Variants in CAMTA1 observed in about 807,000 individuals in gnomAD.
CAMTA1 encodes the protein calmodulin-binding transcription activator 1.
CAMTA1 carries 27 observed loss-of-function variants against 170.9 expected under a neutral mutation model. That is an observed-to-expected ratio of 0.16 (90% CI 0.12 to 0.22). The LOEUF is 0.22. CAMTA1 is among the 10% of genes least tolerant of loss of function. The probability of loss-of-function intolerance (pLI) is 1.00; values close to 1 mark genes in which losing one functional copy is unlikely to be tolerated. For missense variants in CAMTA1, 1,619 were observed against 2,217.2 expected (o/e 0.73, Z 5.42); for synonymous variants, 833 against 891.5 (o/e 0.93, Z 1.17).
intron 6 of CAMTA1, among the ~76,000 whole-genome samples, chr1:7,480,692 C>T (rs1304426644): frequency 3.3e-5 from 5 of 152,144 alleles, no homozygotes; most frequent in Non-Finnish European, 7.3e-5. Flanking sequence ...TCTTGGCAAT[C>T]CCTCTTGCTC....
At chr1:6,789,976 A>AT (rs1191909190) in intron 1 of CAMTA1, among the ~76,000 whole-genome samples, 4 of 148,366 alleles carry the variant, frequency 2.7e-5, no homozygotes, top group African/African-American at 5.0e-5. Flanking sequence ...TGTCCGGCTA[A>AT]TTTTTTTTTG....
intron 1 of CAMTA1, among the ~76,000 whole-genome samples, chr1:6,803,976 A>G (rs1487054094): frequency 6.6e-6 from 1 of 151,796 alleles, no homozygotes; most frequent in Non-Finnish European, 1.5e-5. Flanking sequence ...TGAGGTCAGG[A>G]GTTCCAGACC....
In CAMTA1 at chr1:7,670,841, G is replaced by A. The variant is rs923217121; in HGVS notation, c.2653-70G>A. ...CCCCATCTGAGCAGTGAAGCCTCAG[G>A]GGGGCTTCCCCATGCTGCCTCCCAC... On this transcript the variant is annotated intron_variant, in intron 9 of 22. Coordinates refer to ENST00000303635, the MANE Select transcript of CAMTA1 (RefSeq NM_015215.4). 5.1e-6 allele frequency: 8 copies of A among 1,566,620 alleles called. No individual in the cohort carries two copies. In the Admixed American group the frequency reaches 1.2e-4, roughly 23 times the overall value.
In CAMTA1 at chr1:7,665,863, A is replaced by T. The variant is rs1244901354; in HGVS notation, c.2652+664A>T. Among the ~76,000 whole-genome samples the T allele has an allele frequency of 6.6e-6, 1 of 151,868 alleles. No homozygotes were observed. The highest frequency in any genetic ancestry group is 1.5e-5 in the Non-Finnish European group (1 of 67,946). The stretch of plus-strand genomic sequence containing the variant: ...TTGAAAAGGGGTCCCAGGGTTGCTT[A>T]AAAAAATTCAAAAGTCACCATTGGC... On this transcript the variant is annotated intron_variant, in intron 9 of 22. Coordinates refer to ENST00000303635, the MANE Select transcript of CAMTA1 (RefSeq NM_015215.4). The surrounding 1 kb of genome is among the most constrained non-coding windows in gnomAD (Gnocchi z 4.3).
At chr1:7,464,587 G>C (rs921445550) in intron 5 of CAMTA1, among the ~76,000 whole-genome samples, 1 of 152,146 alleles carries the variant, frequency 6.6e-6, no homozygotes, top group Non-Finnish European at 1.5e-5. Context: ...GGTGGTTTGG[G>C]CCAAGGGGTG....
At chr1:7,285,790 C>T (rs1672263803) in intron 5 of CAMTA1, among the ~76,000 whole-genome samples, 1 of 152,134 alleles carries the variant, frequency 6.6e-6, no homozygotes, top group Admixed American at 6.5e-5. Flanking sequence ...CATAACGACA[C>T]CTGTGTACCT....
intron 6 of CAMTA1, among the ~76,000 whole-genome samples, chr1:7,587,394 G>A (rs775510138): frequency 1.1e-4 from 17 of 152,022 alleles, no homozygotes; most frequent in Admixed American, 6.5e-5. Context: ...CCCAATTACC[G>A]GGAGTGTGGG....
rs1473004654 is a variant in CAMTA1 at position 7,737,950 on chromosome 1, A to G, written c.3659-9A>G. On this transcript the variant is annotated splice_polypyrimidine_tract_variant and intron_variant, in intron 15 of 22. Coordinates refer to ENST00000303635, the MANE Select transcript of CAMTA1 (RefSeq NM_015215.4). ...CTGTCCTGACTATCCTTTCTACTGT[A>G]CTTTTCAGAGCTGAGAAGACCTCGT... The G allele has an allele frequency of 8.8e-6, 14 of 1,591,430 alleles. No homozygotes were observed. The African/African-American group carries it at 1.1e-4, about 12-fold the overall frequency.
intron 4 of CAMTA1, among the ~76,000 whole-genome samples, chr1:7,104,110 ATG>A (rs1189205016): frequency 7.2e-4 from 88 of 122,774 alleles, no homozygotes; most frequent in African/African-American, 2.3e-3. Context: ...AACTACACAC[ATG>A]TACACACAAC....
At chr1:7,313,901 C>A (rs915165654) in intron 5 of CAMTA1, among the ~76,000 whole-genome samples, 1 of 152,068 alleles carries the variant, frequency 6.6e-6, no homozygotes, top group Non-Finnish European at 1.5e-5. Flanking sequence ...GAAAGCAGTG[C>A]GGAGAGGGCA....
chr1:7,169,992 G>C (rs191237707), intron 4 of CAMTA1, among the ~76,000 whole-genome samples: 2 of 152,074 alleles, frequency 1.3e-5, no homozygotes, highest in Non-Finnish European at 2.9e-5. Context: ...TGACTTTGCT[G>C]TTTGTATCTA....
At chr1:7,491,395 G>A (rs7526892) in intron 6 of CAMTA1, among the ~76,000 whole-genome samples, 44,035 of 152,068 alleles carry the variant, frequency 0.29, 9,753 homozygotes, top group East Asian at 0.66. Flanking sequence ...TCACTTTCTG[G>A]AAAAGGCCAA....
chr1:7,751,719 G>GAAA (rs35029804), intron 20 of CAMTA1, among the ~76,000 whole-genome samples: 10 of 144,934 alleles, frequency 6.9e-5, no homozygotes, highest in Non-Finnish European at 7.5e-5. Context: ...TCCTGTTTAG[G>GAAA]AAAAAAAAAA....
chr1:6,935,309 C>T (rs1325292132), intron 3 of CAMTA1, among the ~76,000 whole-genome samples: 1 of 152,078 alleles, frequency 6.6e-6, no homozygotes, highest in Non-Finnish European at 1.5e-5. Context: ...TAATTCTTCC[C>T]AGGAGATTTC....
intron 3 of CAMTA1, among the ~76,000 whole-genome samples, chr1:7,084,292 G>T (rs1640429639): frequency 6.6e-6 from 1 of 152,138 alleles, no homozygotes; most frequent in African/African-American, 2.4e-5. Context: ...ACAGATGGAG[G>T]ACGGACTGTC....
intron 16 of CAMTA1, among the ~76,000 whole-genome samples, chr1:7,742,625 G>A (rs541252451): frequency 3.3e-5 from 5 of 152,262 alleles, no homozygotes; most frequent in South Asian, 4.1e-4. Context: ...TACTGAGAAC[G>A]TTACTTAAGA....
chr1:6,946,381 C>T (rs1305093995), intron 3 of CAMTA1, among the ~76,000 whole-genome samples: 2 of 151,950 alleles, frequency 1.3e-5, no homozygotes, highest in Non-Finnish European at 2.9e-5. Flanking sequence ...TTTTTTAGAG[C>T]TGAGGTCTTG....
intron 5 of CAMTA1, among the ~76,000 whole-genome samples, chr1:7,284,145 TTCTTCTTC>T (rs1671932992): frequency 9.7e-6 from 1 of 102,860 alleles, no homozygotes; most frequent in Non-Finnish European, 1.9e-5. Flanking sequence ...CTTCTTCTTC[TTCTTCTTC>T]TTCTTCTTCT....
intron 5 of CAMTA1, among the ~76,000 whole-genome samples, chr1:7,288,110 C>G (rs1416448572): frequency 2.6e-5 from 4 of 152,162 alleles, no homozygotes; most frequent in African/African-American, 9.7e-5. Flanking sequence ...GTATGGATAA[C>G]TTGAAGTACA....
Sources: gnomAD v4.1 joint callset for allele counts (sites outside exome capture counted in the v4.1 genomes callset) on GRCh38, gnomAD v4.1.1 for gene constraint, Gnocchi (gnomAD v3.1) non-coding constraint, MANE v1.5 for transcripts, NCBI Gene and HGNC (gene_info 2026-07-23, HGNC 2026-07-21) for gene names.